Variants in RRAS2 observed in about 807,000 individuals in gnomAD.
RRAS2 encodes ras-related protein R-Ras2.
Under a neutral mutation model 27.6 loss-of-function variants are expected in RRAS2, and 7 were observed. The ratio of observed to expected loss-of-function variants is 0.25; its 90% CI spans 0.14 to 0.48. The LOEUF (loss-of-function observed/expected upper bound fraction) is 0.48. Ranked by LOEUF, RRAS2 falls within the 20% of genes least tolerant of loss-of-function variation. The pLI, the probability that RRAS2 is intolerant of heterozygous loss-of-function variation, is 0.99. For synonymous variants in RRAS2, 86 were observed against 90.9 expected, an observed-to-expected ratio of 0.95 and a Z score of 0.31; for missense variants, 178 against 256.2, an observed-to-expected ratio of 0.69 and a Z score of 2.08.
At chr11:14,340,151 T>C (rs1235551780) in intron 1 of RRAS2, among the ~76,000 whole-genome samples, 1 of 134,450 alleles carries the variant, frequency 7.4e-6, no homozygotes, top group Non-Finnish European at 1.6e-5. Flanking sequence ...CAGGCTGGAG[T>C]GTAGTGGCGC....
At chr11:14,300,701 A>G (rs1465839138) in intron 1 of RRAS2, among the ~76,000 whole-genome samples, 3 of 152,204 alleles carry the variant, frequency 2.0e-5, no homozygotes, top group Non-Finnish European at 4.4e-5. Context: ...AGATTGCATA[A>G]CAGGAGCTCG....
upstream of RRAS2, among the ~76,000 whole-genome samples, chr11:14,363,772 A>AAAAAT (rs537169496): frequency 1.3e-4 from 19 of 149,442 alleles, no homozygotes; most frequent in African/African-American, 4.5e-4. Context: ...CTCCGTCTCA[A>AAAAAT]AAAATAAAAT....
chr11:14,280,269 G>T (rs111582705), intron 5 of RRAS2, among the ~76,000 whole-genome samples: 1 of 151,304 alleles, frequency 6.6e-6, no homozygotes, highest in Admixed American at 6.6e-5. Context: ...TTATAAAACC[G>T]AGACTCTTAC....
upstream of RRAS2, among the ~76,000 whole-genome samples, chr11:14,363,372 G>A (rs1292816241): frequency 6.6e-6 from 1 of 152,192 alleles, no homozygotes; most frequent in Non-Finnish European, 1.5e-5. Flanking sequence ...ATAAAAGGCA[G>A]CCTGTAGTGT....
chr11:14,302,639 C>G (rs1330819166), intron 1 of RRAS2, among the ~76,000 whole-genome samples: 2 of 152,168 alleles, frequency 1.3e-5, no homozygotes, highest in African/African-American at 2.4e-5. Flanking sequence ...CTCCCACTCC[C>G]AGGGAGTAGG....
chr11:14,280,754 A>T (rs956255643), intron 5 of RRAS2, among the ~76,000 whole-genome samples: 12 of 134,758 alleles, frequency 8.9e-5, no homozygotes, highest in Non-Finnish European at 1.8e-4. Flanking sequence ...AAAAAAAAAA[A>T]AAAGCAGCCC....
chr11:14,340,763 T>C (rs899647263), intron 1 of RRAS2, among the ~76,000 whole-genome samples: 1 of 152,140 alleles, frequency 6.6e-6, no homozygotes. Context: ...TCCAAACCTC[T>C]AAACTCAAGA....
At chr11:14,356,374 TTC>T (rs1360812081) in intron 1 of RRAS2, among the ~76,000 whole-genome samples, 33 of 152,322 alleles carry the variant, frequency 2.2e-4, no homozygotes, top group Non-Finnish European at 3.8e-4. Context: ...TTCCACAGAC[TTC>T]TCTGAGTCTG....
intron 4 of RRAS2, among the ~76,000 whole-genome samples, chr11:14,287,230 C>G (rs1849683704): frequency 6.6e-6 from 1 of 152,194 alleles, no homozygotes; most frequent in South Asian, 2.1e-4. Flanking sequence ...ATCATGTCCT[C>G]TGAGGCTAGG....
chr11:14,280,850 C>T (rs868913125), intron 5 of RRAS2, among the ~76,000 whole-genome samples: 48 of 149,996 alleles, frequency 3.2e-4, no homozygotes, highest in African/African-American at 1.1e-3. Flanking sequence ...GGCATCAAGA[C>T]CCAAAATAAT....
chr11:14,294,304 C>T (rs181119112), intron 4 of RRAS2, among the ~76,000 whole-genome samples, 167 bp downstream of exon 4: 8 of 152,116 alleles, frequency 5.3e-5, no homozygotes, highest in South Asian at 4.1e-4. Context: ...ATTTTTCACC[C>T]GCTGTGACTT....
chr11:14,334,934 T>C (rs1848561342), intron 1 of RRAS2, among the ~76,000 whole-genome samples: 1 of 152,186 alleles, frequency 6.6e-6, no homozygotes, highest in Non-Finnish European at 1.5e-5. Context: ...ACCTTCCTTC[T>C]TTCTCCTCCA....
chr11:14,329,064 TACATACACACAC>T (rs1848431282), intron 1 of RRAS2, among the ~76,000 whole-genome samples: 1 of 78,908 alleles, frequency 1.3e-5, no homozygotes, highest in Non-Finnish European at 2.7e-5. Context: ...CACACACATA[TACATACACACAC>T]ACACACACAC....
chr11:14,321,035 C>T (rs1316533706), intron 1 of RRAS2, among the ~76,000 whole-genome samples: 1 of 152,052 alleles, frequency 6.6e-6, no homozygotes, highest in Non-Finnish European at 1.5e-5. Flanking sequence ...CAACAATTAG[C>T]TGGGTGTGGT....
chr11:14,279,562 T>C (rs1554944007), intron 5 of RRAS2, 138 bp from the exon 6 acceptor site: 1 of 674,296 alleles, frequency 1.5e-6, no homozygotes, highest in Non-Finnish European at 2.6e-6. Context: ...ATTTCTCTCT[T>C]TCCTACCCCC....
intron 4 of RRAS2, among the ~76,000 whole-genome samples, chr11:14,284,615 T>A (rs565632943): frequency 6.6e-6 from 1 of 152,304 alleles, no homozygotes; most frequent in South Asian, 2.1e-4. Flanking sequence ...ATTTTAAGTG[T>A]GAATTTGTCT....
At chr11:14,323,300 C>CA (rs1848268493) in intron 1 of RRAS2, among the ~76,000 whole-genome samples, 1 of 151,792 alleles carries the variant, frequency 6.6e-6, no homozygotes, top group Non-Finnish European at 1.5e-5. Flanking sequence ...AAAACAACAA[C>CA]AAAAAAACTA....
intron 1 of RRAS2, among the ~76,000 whole-genome samples, chr11:14,324,356 G>A (rs1050611265): frequency 2.7e-5 from 4 of 150,544 alleles, no homozygotes; most frequent in Non-Finnish European, 5.9e-5. Flanking sequence ...TATATGATAT[G>A]CAGGACTAAC....
At chr11:14,312,333 AAT>A (rs1260008266) in intron 1 of RRAS2, among the ~76,000 whole-genome samples, 8 of 152,254 alleles carry the variant, frequency 5.3e-5, no homozygotes, top group African/African-American at 1.9e-4. Context: ...TCATTTGACA[AAT>A]AGTTGTTGTG....
Sources: gnomAD v4.1 joint callset for allele counts (sites outside exome capture counted in the v4.1 genomes callset) on GRCh38, gnomAD v4.1.1 for gene constraint, MANE v1.5 for transcripts, NCBI Gene and HGNC (gene_info 2026-07-23, HGNC 2026-07-21) for gene names.